Variants in EPHA3 observed in about 807,000 individuals in gnomAD.
EPHA3 encodes the protein ephrin type-A receptor 3.
Under a neutral mutation model 107.1 loss-of-function variants are expected in EPHA3, and 42 were observed. That is an observed-to-expected ratio of 0.39 (90% confidence interval 0.31 to 0.51). EPHA3 has a LOEUF of 0.51. Ranked by LOEUF, EPHA3 falls within the 20% of genes least tolerant of loss-of-function variation. The pLI is 0.78. For synonymous variants in EPHA3, 461 were observed against 424.8 expected (o/e 1.09, Z -1.05); for missense variants, 1,183 against 1,211.2 (o/e 0.98, Z 0.35).
chr3:89,460,931 G>T (rs570269167), intron 15 of EPHA3, among the ~76,000 whole-genome samples: 2 of 101,774 alleles, frequency 2.0e-5, no homozygotes, highest in African/African-American at 3.8e-5. Flanking sequence ...ACCCACTAAT[G>T]TGTCATCTAG....
chr3:89,342,131 G>T, intron 5 of EPHA3, 41 bp downstream of exon 5: 1 of 1,524,174 alleles, frequency 6.6e-7, no homozygotes. Context: ...ATCATATCAC[G>T]TCTGAGTAAT....
At chr3:89,348,120 C>T (rs1334465056) in intron 5 of EPHA3, among the ~76,000 whole-genome samples, 18 of 146,630 alleles carry the variant, frequency 1.2e-4, no homozygotes, top group African/African-American at 4.5e-4. Context: ...CAGAATGATG[C>T]TGGCCTCATA....
At chr3:89,144,838 G>A (rs1235008720) in intron 2 of EPHA3, among the ~76,000 whole-genome samples, 2 of 151,608 alleles carry the variant, frequency 1.3e-5, no homozygotes, top group African/African-American at 4.8e-5. Flanking sequence ...TGTTTAATAA[G>A]AGTTGAGGAA....
At chr3:89,290,656 A>T (rs1188076579) in intron 3 of EPHA3, among the ~76,000 whole-genome samples, 1 of 152,162 alleles carries the variant, frequency 6.6e-6, no homozygotes, top group Admixed American at 6.6e-5. Flanking sequence ...CATATCTATA[A>T]ATAAGGATCA....
At chr3:89,353,561 G>C (rs909013616) in intron 5 of EPHA3, among the ~76,000 whole-genome samples, 1 of 151,234 alleles carries the variant, frequency 6.6e-6, no homozygotes, top group Non-Finnish European at 1.5e-5. Flanking sequence ...TGGCAATTCA[G>C]CTTCTTCCTG....
At chr3:89,321,702 A>G (rs1707046892) in intron 3 of EPHA3, among the ~76,000 whole-genome samples, 1 of 152,180 alleles carries the variant, frequency 6.6e-6, no homozygotes, top group South Asian at 2.1e-4. Context: ...AAATAAAGGT[A>G]CTGTATATAA....
At chr3:89,210,551 A>G (rs1706252678) in intron 3 of EPHA3, 31 bp downstream of exon 3, 2 of 1,514,760 alleles carry the variant, frequency 1.3e-6, no homozygotes, top group East Asian at 2.3e-5. Context: ...TCTTTGAGCA[A>G]TATTTCTCAC....
chr3:89,429,866 TG>T (rs1198864015), intron 12 of EPHA3, among the ~76,000 whole-genome samples: 4 of 152,082 alleles, frequency 2.6e-5, no homozygotes, highest in African/African-American at 9.7e-5. Context: ...TGGGTTCAAG[TG>T]ATTTTCCTGC....
chr3:89,449,284 G>A lies in EPHA3; in HGVS notation c.2406G>A (p.Thr802=), dbSNP rs372376671. ...SPEAIAYRKF[T]SASDVWSYGI... ...AAGCTATAGCCTACCGCAAGTTCAC[G>A]TCAGCCAGCGATGTATGGAGTTATG... The change falls in exon 14 of 17, where the codon ACG becomes ACA. Residue 802 remains threonine, a synonymous_variant. Coordinates refer to ENST00000336596, the MANE Select transcript of EPHA3 (RefSeq NM_005233.6). 1.7e-5 allele frequency: 27 copies of A among 1,612,480 alleles called. No homozygotes were observed. Among genetic ancestry groups the A allele is most frequent in the Middle Eastern group, 1.6e-4 (1 of 6,076 alleles).
chr3:89,329,593 T>C (rs555723039), intron 3 of EPHA3, among the ~76,000 whole-genome samples: 1 of 152,258 alleles, frequency 6.6e-6, no homozygotes, highest in East Asian at 1.9e-4. Context: ...ATTGTATTCC[T>C]TTTATTGCAA....
At chr3:89,191,467 C>T (rs534924069) in intron 2 of EPHA3, among the ~76,000 whole-genome samples, 21 of 151,824 alleles carry the variant, frequency 1.4e-4, no homozygotes, top group East Asian at 5.8e-4. Context: ...CCACCACGCC[C>T]GGCTAATTTT....
rs1270503537 is a variant in EPHA3, at chr3:89,341,956, A to G, written c.1172A>G (p.Asn391Ser). The G allele has an allele frequency of 3.1e-6, 5 of 1,613,524 alleles. No individual in the cohort carries two copies. Among genetic ancestry groups the G allele is most frequent in the Non-Finnish European group, 4.2e-6 (5 of 1,179,886 alleles). The change falls in exon 5 of 17, where the codon AAC becomes AGC. Residue 391 changes from asparagine (N) to serine (S), a missense_variant. Transcript: ENST00000336596. ...CTCCCTCGACAGTTTGGACTCACCA[A>G]CACCACGGTGACAGTGACAGACCTT... Reference protein sequence around the residue: ...RFLPRQFGLTNTTVTVTDLLA... With the variant: ...RFLPRQFGLTSTTVTVTDLLA...
At chr3:89,396,661 T>A (rs1708857204) in intron 6 of EPHA3, among the ~76,000 whole-genome samples, 1 of 152,174 alleles carries the variant, frequency 6.6e-6, no homozygotes, top group South Asian at 2.1e-4. Context: ...ATAGTAAAGT[T>A]TAAAGACAAG....
At chr3:89,225,893 A>G (rs1189822307) in intron 3 of EPHA3, among the ~76,000 whole-genome samples, 1 of 152,126 alleles carries the variant, frequency 6.6e-6, no homozygotes, top group East Asian at 1.9e-4. Flanking sequence ...TTCAAGTTAC[A>G]TTTGCCTGGG....
intron 15 of EPHA3, among the ~76,000 whole-genome samples, chr3:89,451,045 GTTAA>G: frequency 6.6e-6 from 1 of 152,236 alleles, no homozygotes; most frequent in Middle Eastern, 3.4e-3. Flanking sequence ...ATTTTCCCCA[GTTAA>G]TTAAACAAAT....
At chr3:89,278,098 G>C (rs1468347066) in intron 3 of EPHA3, among the ~76,000 whole-genome samples, 1 of 152,150 alleles carries the variant, frequency 6.6e-6, no homozygotes, top group African/African-American at 2.4e-5. Context: ...TAATTCCCCA[G>C]CAGTCCTTTA....
In EPHA3 at chr3:89,219,688, G is replaced by GTGTTTTTTTTTTTTTTTTTTTTTTT; in HGVS notation, c.814+9169_814+9170insGTTTTTTTTTTTTTTTTTTTTTTTT. ...TTACCTCCAAGAGGCATTTGGCAAT[G>GTGTTTTTTTTTTTTTTTTTTTTTTT]TTTTTTTTTTTTTTGTTTTTTGTTT... On this transcript the variant is annotated intron_variant, in intron 3 of 16. Coordinates refer to ENST00000336596, the MANE Select transcript of EPHA3 (RefSeq NM_005233.6). 2.2e-3 allele frequency among the ~76,000 whole-genome samples: 77 copies of GTGTTTTTTTTTTTTTTTTTTTTTTT among 34,436 alleles called. 31 individuals are homozygous for GTGTTTTTTTTTTTTTTTTTTTTTTT. The highest frequency in any genetic ancestry group is 3.5e-3 in the South Asian group (3 of 854). 22.6% of individuals were successfully genotyped at this position (34,436 alleles called of 152,430 possible).
Position 89,252,754 on chromosome 3 carries a change from T to G in EPHA3, c.814+42234T>G, listed in dbSNP as rs1349388642. Reference sequence around the variant, plus strand: ...TATTTTTAAAATATTATTCAAGTTTTTCATGCTCTTATCTTAAGAGATGTC... The same window carrying G: ...TATTTTTAAAATATTATTCAAGTTTGTCATGCTCTTATCTTAAGAGATGTC... On this transcript the variant is annotated intron_variant, in intron 3 of 16. Transcript: ENST00000336596. 2.6e-5 allele frequency among the ~76,000 whole-genome samples: 4 copies of G among 151,956 alleles called. No individual in the cohort carries two copies. In the East Asian group the frequency reaches 7.7e-4, roughly 29 times the overall value.
chr3:89,339,141 G>T (rs2107413678), intron 3 of EPHA3, among the ~76,000 whole-genome samples: 1 of 152,200 alleles, frequency 6.6e-6, no homozygotes, highest in South Asian at 2.1e-4. Context: ...GGGAGGCCGA[G>T]GCGGGCGGAT....
Sources: gnomAD v4.1 joint callset for allele counts (sites outside exome capture counted in the v4.1 genomes callset) on GRCh38, gnomAD v4.1.1 for gene constraint, MANE v1.5 for transcripts, NCBI Gene and HGNC (gene_info 2026-07-23, HGNC 2026-07-21) for gene names.